The following PGLYRP4 variants were observed in gnomAD, a reference collection of about 807,000 sequenced individuals.
The protein encoded by PGLYRP4 is peptidoglycan recognition protein 4.
Under a neutral mutation model 41.2 loss-of-function variants are expected in PGLYRP4, and 39 were observed. The ratio of observed to expected loss-of-function variants is 0.95; its 90% confidence interval spans 0.73 to 1.24. The LOEUF (loss-of-function observed/expected upper bound fraction) is 1.24. Ranked by LOEUF, PGLYRP4 falls within the 50% of genes most tolerant of loss-of-function variation. The probability of loss-of-function intolerance (pLI) is 0.00; values close to 1 mark genes in which losing one functional copy is unlikely to be tolerated. For missense variants in PGLYRP4, 467 were observed against 460.7 expected (o/e 1.01, Z -0.13); for synonymous variants, 202 against 186.8 (o/e 1.08, Z -0.66).
rs752769728 is a variant in PGLYRP4, at chr1:153,341,595, G to A, written c.625+32C>T. The A allele has an allele frequency of 2.5e-6, 4 of 1,588,144 alleles. No individual in the cohort carries two copies. In the African/African-American group the frequency reaches 5.4e-5, roughly 21 times the overall value. ...CGAGTTAGTTGGGGTGAGCCCAGTG[G>A]CAGGCCCAGTAGGGCTGAAGAAAGG... On this transcript the variant is annotated intron_variant, in intron 6 of 8. Coordinates refer to ENST00000359650, the MANE Select transcript of PGLYRP4 (RefSeq NM_020393.4).
intron 4 of PGLYRP4, chr1:153,344,892 A>C: frequency 3.1e-6 from 1 of 320,684 alleles, no homozygotes; most frequent in East Asian, 6.4e-5. Flanking sequence ...GTCGTTTGCA[A>C]TCTGTAGTGT....
intron 2 of PGLYRP4, among the ~76,000 whole-genome samples, chr1:153,347,227 G>T (rs1252277378): frequency 6.6e-6 from 1 of 151,476 alleles, no homozygotes; most frequent in Non-Finnish European, 1.5e-5. Context: ...GAGCGCGCCA[G>T]ATGGAGTTTC....
Position 153,340,558 on chromosome 1 carries a change from C to T in PGLYRP4, c.647G>A (p.Arg216Gln), listed in dbSNP as rs201335430. 1.7e-5 allele frequency: 28 copies of T among 1,613,886 alleles called. No homozygotes were observed. Among genetic ancestry groups the T allele is most frequent in the Middle Eastern group, 1.6e-4 (1 of 6,066 alleles). Residue 216 changes from arginine (R) to glutamine (Q), a missense_variant, in exon 7 of 9, where the codon CGG becomes CAG. Arg to Gln is a conservative substitution (Grantham distance 43, BLOSUM62 1). Coordinates refer to ENST00000359650, the MANE Select transcript of PGLYRP4 (RefSeq NM_020393.4). ...GGTCTCCCTGGCTCCCCACACAGAC[C>T]GTGGGACAACGCCGGGGCAAGCTGA... ...LKKACPGVVP[R>Q]SVWGARETHC...
In PGLYRP4 at chr1:153,341,767, CTGGGA is replaced by C; in HGVS notation, c.480_484del (p.Ser160ArgfsTer89). 1 of 1,613,470 alleles carries C rather than the reference CTGGGA, an allele frequency of 6.2e-7. No individual in the cohort carries two copies. The highest frequency in any genetic ancestry group is 1.3e-5 in the African/African-American group (1 of 75,028). ...TTCCATGGCCGACAGGGCAGCAGGGCTGGGACTGTGGCCTAGAAGAGAGAAATCTG... is the reference window on the plus strand; with the variant it reads ...TTCCATGGCCGACAGGGCAGCAGGGCCTGTGGCCTAGAAGAGAGAAATCTG... On this transcript the variant is annotated frameshift_variant, in exon 6 of 9. Transcript: ENST00000359650. LOFTEE classifies it high-confidence loss of function.
At chr1:153,345,105 C>T (rs1402045669) in intron 4 of PGLYRP4, 64 bp downstream of exon 4, 1 of 1,234,498 alleles carries the variant, frequency 8.1e-7, no homozygotes. Context: ...TGAGAAGGGA[C>T]AGGAGAAGCA....
intron 5 of PGLYRP4, among the ~76,000 whole-genome samples, chr1:153,342,256 G>A (rs1472532646): frequency 2.0e-5 from 3 of 152,236 alleles, no homozygotes; most frequent in African/African-American, 4.8e-5. Context: ...ATGGAAATGA[G>A]TAGTCATGAA....
Position 153,330,758 on chromosome 1 carries a change from G to T in PGLYRP4, c.*9C>A. 4 of 1,610,646 alleles carry T rather than the reference G, an allele frequency of 2.5e-6. No homozygotes were observed. In the African/African-American group the frequency reaches 4.0e-5, roughly 16 times the overall value. On this transcript the variant is annotated 3_prime_UTR_variant, in exon 9 of 9. Coordinates refer to ENST00000359650, the MANE Select transcript of PGLYRP4 (RefSeq NM_020393.4). ...GGGAAAGCAGTCTCAGAAGGACCTG[G>T]GGCTTCTCTCAGTGTTTGAAATGAG...
rs536675226 is a variant in PGLYRP4, at chr1:153,332,272, C to A, written c.944-1327G>T. Among the ~76,000 whole-genome samples, 9 of 152,114 alleles carry A rather than the reference C, an allele frequency of 5.9e-5. No homozygotes were observed. In the East Asian group the frequency reaches 1.5e-3, roughly 26 times the overall value. ...CAATTCAATAAGAAGCTATAACAATCCTAAATATATATGCACCCAACTCAT... is the reference window on the plus strand; with the variant it reads ...CAATTCAATAAGAAGCTATAACAATACTAAATATATATGCACCCAACTCAT... On this transcript the variant is annotated intron_variant, in intron 8 of 8. Coordinates refer to ENST00000359650, the MANE Select transcript of PGLYRP4 (RefSeq NM_020393.4).
At chr1:153,332,472 C>G (rs1660378878) in intron 8 of PGLYRP4, among the ~76,000 whole-genome samples, 1 of 152,044 alleles carries the variant, frequency 6.6e-6, no homozygotes, top group Non-Finnish European at 1.5e-5. Context: ...GACAGATCAT[C>G]AAGGCAGAAA....
Position 153,340,512 on chromosome 1 carries a change from G to A in PGLYRP4, c.693C>T (p.Leu231=). ...GGATAATGATGCCATACTTCGCTGG[G>A]AGAGTCATCCTGGGACAGTGGGTCT... is the stretch of plus-strand genomic sequence containing the variant. ...ARETHCPRMT[L]PAKYGIIIHT... is the part of the protein sequence containing the mutation. The change falls in exon 7 of 9, where the codon CTC becomes CTT. Residue 231 remains leucine, a synonymous_variant. Coordinates refer to ENST00000359650, the MANE Select transcript of PGLYRP4 (RefSeq NM_020393.4). 1 of 1,614,178 alleles carries A rather than the reference G, an allele frequency of 6.2e-7. No homozygotes were observed. The highest frequency in any genetic ancestry group is 8.5e-7 in the Non-Finnish European group (1 of 1,180,024).
intron 8 of PGLYRP4, among the ~76,000 whole-genome samples, chr1:153,334,468 T>TATATATATATATTTTTTTATATA (rs1275488427): frequency 7.0e-6 from 1 of 142,530 alleles, no homozygotes; most frequent in African/African-American, 2.6e-5. Flanking sequence ...ATATATTTAT[T>TATATATATATATTTTTTTATATA]TATATATATT....
intron 7 of PGLYRP4, 144 bp downstream of exon 7, chr1:153,340,237 G>A (rs891085285): frequency 2.1e-5 from 15 of 705,558 alleles, no homozygotes; most frequent in African/African-American, 1.1e-4. Context: ...AGGCAGGGTC[G>A]TGTGATGAAT....
chr1:153,335,907 C>G (rs972039247), intron 8 of PGLYRP4, among the ~76,000 whole-genome samples: 5 of 151,888 alleles, frequency 3.3e-5, no homozygotes, highest in Non-Finnish European at 7.4e-5. Flanking sequence ...AGTATCAACC[C>G]AAAGAAAAAG....
intron 5 of PGLYRP4, among the ~76,000 whole-genome samples, chr1:153,342,247 T>C (rs556144980): frequency 1.3e-5 from 2 of 152,210 alleles, no homozygotes; most frequent in Admixed American, 6.5e-5. Flanking sequence ...TAACGACAAA[T>C]GGAAATGAGT....
rs1557825472 is a variant in PGLYRP4, at chr1:153,337,300, C to A, written c.825-1G>T. 1 of 1,582,472 alleles carries A rather than the reference C, an allele frequency of 6.3e-7. No individual in the cohort carries two copies. Among genetic ancestry groups the A allele is most frequent in the Non-Finnish European group, 8.6e-7 (1 of 1,158,666 alleles). ...GGCGCCATCCTGGCCCACCAGGAAGCTAGAGGACCACAAGGGGAGATGGAG... is the reference window on the plus strand; with the variant it reads ...GGCGCCATCCTGGCCCACCAGGAAGATAGAGGACCACAAGGGGAGATGGAG... On this transcript the variant is annotated splice_acceptor_variant, in intron 7 of 8. Transcript: ENST00000359650. LOFTEE classifies it high-confidence loss of function.
At chr1:153,338,607 C>T (rs1436590228) in intron 7 of PGLYRP4, among the ~76,000 whole-genome samples, 1 of 152,358 alleles carries the variant, frequency 6.6e-6, no homozygotes, top group Non-Finnish European at 1.5e-5. Flanking sequence ...CCACACTCCT[C>T]TTTGACATCT....
chr1:153,332,423 A>G (rs1235074904), intron 8 of PGLYRP4, among the ~76,000 whole-genome samples: 1 of 152,188 alleles, frequency 6.6e-6, no homozygotes, highest in Non-Finnish European at 1.5e-5. Context: ...TGGCAATATA[A>G]TAATAGTGGA....
intron 8 of PGLYRP4, among the ~76,000 whole-genome samples, chr1:153,332,987 C>CA (rs752208836): frequency 1.7e-4 from 25 of 150,592 alleles, no homozygotes; most frequent in Admixed American, 5.3e-4. Flanking sequence ...AAATCTAGAA[C>CA]AAAAAAAACC....
In PGLYRP4 at chr1:153,347,928, A is replaced by G; in HGVS notation, c.5T>C (p.Leu2Pro). M[L>P]PWLLVFSALG... ...AGCAGAGAAGACAAGAAGCCACGGC[A>G]GCATCCCCACGTGGTCCCAGGACAC... is the stretch of plus-strand genomic sequence containing the variant. The change falls in exon 2 of 9, where the codon CTG (leucine) becomes CCG (proline). Residue 2 changes from leucine (L) to proline (P), a missense_variant. By Grantham distance (98) the Leu-to-Pro change is moderately conservative. Transcript: ENST00000359650. 1 of 1,613,600 alleles carries G rather than the reference A, an allele frequency of 6.2e-7. No homozygotes were observed. Among genetic ancestry groups the G allele is most frequent in the Non-Finnish European group, 8.5e-7 (1 of 1,179,538 alleles).
Sources: gnomAD v4.1 joint callset for allele counts (sites outside exome capture counted in the v4.1 genomes callset) on GRCh38, gnomAD v4.1.1 for gene constraint, MANE v1.5 for transcripts, NCBI Gene and HGNC (gene_info 2026-07-23, HGNC 2026-07-21) for gene names.